Variants in GALNT13 observed in about 807,000 individuals in gnomAD.
GALNT13 encodes UDP-GalNAc:polypeptide N-acetylgalactosaminyltransferase 13.
A neutral mutation model predicts 64.2 loss-of-function variants in GALNT13; 28 were observed. The ratio of observed to expected loss-of-function variants is 0.44; its 90% CI spans 0.32 to 0.60. The LOEUF is 0.60. Ranked by LOEUF, GALNT13 falls within the 20% of genes least tolerant of loss-of-function variation. The pLI, the probability that GALNT13 is intolerant of heterozygous loss-of-function variation, is 0.05. For synonymous variants in GALNT13, 214 were observed against 224.6 expected (o/e 0.95, Z 0.42); for missense variants, 577 against 669.8 (o/e 0.86, Z 1.53).
intron 2 of GALNT13, 56 bp from the exon 3 acceptor site, chr2:153,944,338 T>G: frequency 1.7e-6 from 1 of 589,446 alleles, no homozygotes; most frequent in South Asian, 2.7e-5. Context: ...TATATGTTCT[T>G]TATCCAAAAA....
intron 8 of GALNT13, among the ~76,000 whole-genome samples, chr2:154,269,250 A>G (rs1691190234): frequency 6.6e-6 from 1 of 152,130 alleles, no homozygotes; most frequent in African/African-American, 2.4e-5. Flanking sequence ...GAATTTTCTA[A>G]GCAATGTCTA....
the GALNT13 span, among the ~76,000 whole-genome samples, chr2:153,188,615 A>C: frequency 6.6e-6 from 1 of 152,128 alleles, no homozygotes; most frequent in African/African-American, 2.4e-5. Flanking sequence ...GACTGAGAAA[A>C]TAGTCTGTGT....
chr2:154,206,281 A>G (rs953239270), intron 4 of GALNT13, among the ~76,000 whole-genome samples: 1 of 151,886 alleles, frequency 6.6e-6, no homozygotes, highest in East Asian at 1.9e-4. Flanking sequence ...GATTACAGGC[A>G]TGAGCAACTG....
At chr2:153,814,075 A>C in the GALNT13 span, among the ~76,000 whole-genome samples, 1 of 152,192 alleles carries the variant, frequency 6.6e-6, no homozygotes, top group Non-Finnish European at 1.5e-5. Flanking sequence ...GAGAACAAGA[A>C]AGTAGCAGGC....
the GALNT13 span, among the ~76,000 whole-genome samples, chr2:153,072,298 G>A: frequency 2.6e-5 from 4 of 152,148 alleles, no homozygotes; most frequent in South Asian, 6.2e-4. Context: ...ACCATGTGAG[G>A]AGCACAGCGT....
downstream of GALNT13, among the ~76,000 whole-genome samples, chr2:154,455,770 A>T (rs954186197): frequency 6.6e-6 from 1 of 152,202 alleles, no homozygotes; most frequent in Non-Finnish European, 1.5e-5. Flanking sequence ...TTCTAAAGAC[A>T]ATTTTCACTG....
chr2:153,554,656 ATGTGTG>A, the GALNT13 span, among the ~76,000 whole-genome samples: 15 of 146,164 alleles, frequency 1.0e-4, no homozygotes, highest in Admixed American at 4.8e-4. Flanking sequence ...GATGCTGTAT[ATGTGTG>A]TGTGTGTGTG....
At chr2:153,439,903 G>C in the GALNT13 span, among the ~76,000 whole-genome samples, 1 of 152,190 alleles carries the variant, frequency 6.6e-6, no homozygotes, top group Non-Finnish European at 1.5e-5. Flanking sequence ...CCCGTTTTCT[G>C]TGTCGCTCAC....
the GALNT13 span, among the ~76,000 whole-genome samples, chr2:153,176,313 C>T: frequency 6.7e-3 from 1,025 of 152,014 alleles, 10 homozygotes; most frequent in African/African-American, 0.023. Context: ...TTCCAATGTA[C>T]GTATATACAC....
chr2:153,301,309 C>CAAAAAAAAAAAAAAAAAAAA, the GALNT13 span, among the ~76,000 whole-genome samples: 4 of 76,418 alleles, frequency 5.2e-5, 1 homozygote, highest in Non-Finnish European at 7.6e-5. Flanking sequence ...GACTCCTTCT[C>CAAAAAAAAAAAAAAAAAAAA]AAAAAAAAAG....
the GALNT13 span, among the ~76,000 whole-genome samples, chr2:153,581,274 A>C: frequency 6.6e-6 from 1 of 152,092 alleles, no homozygotes; most frequent in South Asian, 2.1e-4. Context: ...TCAGTCAATG[A>C]ATATTGATTA....
the GALNT13 span, among the ~76,000 whole-genome samples, chr2:153,098,862 G>A: frequency 2.6e-5 from 4 of 152,152 alleles, no homozygotes; most frequent in African/African-American, 9.7e-5. Flanking sequence ...TTCCATAGTG[G>A]TTGTAGCAAT....
the GALNT13 span, among the ~76,000 whole-genome samples, chr2:153,345,625 T>A: frequency 1.2e-3 from 170 of 142,694 alleles, 1 homozygote; most frequent in African/African-American, 4.1e-3. Context: ...TTTCTTTTCT[T>A]TTCCTTTCTT....
chr2:153,346,362 G>A, the GALNT13 span, among the ~76,000 whole-genome samples: 1,646 of 152,222 alleles, frequency 0.011, 31 homozygotes, highest in African/African-American at 0.036. Context: ...TTACAGTACA[G>A]GCTGGAACAC....
Position 153,935,255 on chromosome 2 carries a change from A to G in GALNT13, c.-104-9139A>G, listed in dbSNP as rs1326147728. On this transcript the variant is annotated intron_variant, in intron 2 of 12. Coordinates refer to ENST00000392825, the MANE Select transcript of GALNT13 (RefSeq NM_052917.4). Reference sequence around the variant, plus strand: ...GCACAACTGACACAAGGGAGTTTACATAGAACTGCTTATCTTTGGTTATCA... The same window carrying G: ...GCACAACTGACACAAGGGAGTTTACGTAGAACTGCTTATCTTTGGTTATCA... Among the ~76,000 whole-genome samples, 4 of 152,324 alleles carry G rather than the reference A, an allele frequency of 2.6e-5. No individual in the cohort carries two copies. In the South Asian group the frequency reaches 8.3e-4, roughly 32 times the overall value.
the GALNT13 span, among the ~76,000 whole-genome samples, chr2:153,319,226 T>C: frequency 6.6e-6 from 1 of 152,212 alleles, no homozygotes; most frequent in South Asian, 2.1e-4. Context: ...ACCATGCAAG[T>C]ACTTTATAAA....
chr2:153,174,244 A>T, the GALNT13 span, among the ~76,000 whole-genome samples: 3 of 152,302 alleles, frequency 2.0e-5, no homozygotes, highest in South Asian at 4.1e-4. Flanking sequence ...CTGAAATATA[A>T]TACATATTTG....
At chr2:153,492,069 A>C in the GALNT13 span, among the ~76,000 whole-genome samples, 1 of 152,236 alleles carries the variant, frequency 6.6e-6, no homozygotes, top group Non-Finnish European at 1.5e-5. Flanking sequence ...CTACACATAA[A>C]GGAGGAAACA....
At chr2:153,267,606 G>A in the GALNT13 span, among the ~76,000 whole-genome samples, 1 of 152,200 alleles carries the variant, frequency 6.6e-6, no homozygotes, top group Non-Finnish European at 1.5e-5. Flanking sequence ...AGGCTGCACA[G>A]AGCAGTGGGG....
Sources: gnomAD v4.1 joint callset for allele counts (sites outside exome capture counted in the v4.1 genomes callset) on GRCh38, gnomAD v4.1.1 for gene constraint, MANE v1.5 for transcripts, NCBI Gene and HGNC (gene_info 2026-07-23, HGNC 2026-07-21) for gene names.